The following SHC4 variants were observed in gnomAD, a reference collection of about 807,000 sequenced individuals.
SHC4 encodes the protein SHC-transforming protein 4.
In SHC4, 41 loss-of-function variants were observed where a neutral mutation model predicts 69.4. The observed-to-expected ratio is 0.59, with a 90% CI of 0.46 to 0.77. SHC4 has a LOEUF of 0.77. SHC4 is among the 30% of genes least tolerant of loss of function. SHC4 has a pLI of 0.00. For missense variants in SHC4, 777 were observed against 783.8 expected, an observed-to-expected ratio of 0.99 and a Z score of 0.10; for synonymous variants, 318 against 299.3, an observed-to-expected ratio of 1.06 and a Z score of -0.64.
intron 2 of SHC4, among the ~76,000 whole-genome samples, chr15:48,912,910 G>C (rs1381044602): frequency 6.6e-6 from 1 of 151,870 alleles, no homozygotes; most frequent in East Asian, 1.9e-4. Flanking sequence ...TGGTTCTGGG[G>C]GTCGTCTGCA....
chr15:48,871,841 T>G (rs1381458892), intron 5 of SHC4, among the ~76,000 whole-genome samples: 1 of 152,196 alleles, frequency 6.6e-6, no homozygotes, highest in Non-Finnish European at 1.5e-5. Flanking sequence ...AATAACACAA[T>G]GGAGCACTAC....
chr15:48,932,819 A>G (rs914707441), intron 1 of SHC4, among the ~76,000 whole-genome samples: 1 of 152,154 alleles, frequency 6.6e-6, no homozygotes. Flanking sequence ...ATGTGTCCGT[A>G]TCTCTTTTAT....
intron 1 of SHC4, among the ~76,000 whole-genome samples, chr15:48,925,206 T>TC (rs1170336021): frequency 3.9e-5 from 6 of 152,222 alleles, no homozygotes; most frequent in African/African-American, 1.2e-4. Context: ...GGTTCAGTGG[T>TC]TAAGATCATG....
intron 1 of SHC4, among the ~76,000 whole-genome samples, chr15:48,956,119 G>A (rs1012406839): frequency 3.3e-5 from 5 of 152,222 alleles, no homozygotes; most frequent in Non-Finnish European, 5.9e-5. Flanking sequence ...CTACTTCCAC[G>A]TCTACTCCAA....
intron 11 of SHC4, among the ~76,000 whole-genome samples, chr15:48,830,184 T>C (rs1371296400): frequency 1.3e-5 from 2 of 152,334 alleles, no homozygotes; most frequent in East Asian, 3.9e-4. Flanking sequence ...AATTCCTTTA[T>C]CATTTTGTTT....
Position 48,856,084 on chromosome 15 carries a change from C to G in SHC4, c.1111G>C (p.Asp371His). Residue 371 changes from aspartate (D) to histidine (H), a missense_variant, in exon 8 of 12, where the codon GAT becomes CAT. Transcript: ENST00000332408. ...HIDSHAEERE[D>H]HEYYNEIPGK... Reference sequence around the variant, plus strand: ...GGAATTTCATTGTAATATTCATGATCTTCTCTCTCCTCGGCATGGCTATCA... The same window carrying G: ...GGAATTTCATTGTAATATTCATGATGTTCTCTCTCCTCGGCATGGCTATCA... 6.2e-7 allele frequency: 1 copy of G among 1,613,740 alleles called. No individual in the cohort carries two copies. The highest frequency in any genetic ancestry group is 8.5e-7 in the Non-Finnish European group (1 of 1,179,766).
intron 3 of SHC4, among the ~76,000 whole-genome samples, chr15:48,885,789 T>C (rs1900024651): frequency 6.6e-6 from 1 of 152,200 alleles, no homozygotes; most frequent in African/African-American, 2.4e-5. Context: ...GCCCTCAACC[T>C]CACAGCTATC....
chr15:48,854,296 C>T (rs1899270372), intron 8 of SHC4, among the ~76,000 whole-genome samples: 1 of 152,044 alleles, frequency 6.6e-6, no homozygotes, highest in South Asian at 2.1e-4. Flanking sequence ...GAATGACTAT[C>T]ATTAAAAAGG....
At chr15:48,954,187 G>A (rs1172521774) in intron 1 of SHC4, among the ~76,000 whole-genome samples, 1 of 152,102 alleles carries the variant, frequency 6.6e-6, no homozygotes, top group African/African-American at 2.4e-5. Flanking sequence ...GCTGCAACCT[G>A]CCCTCCAACC....
chr15:48,878,018 C>A (rs1251083497), intron 4 of SHC4: 5 of 906,490 alleles, frequency 5.5e-6, no homozygotes, highest in African/African-American at 5.0e-5. Flanking sequence ...CTGAGCTACT[C>A]CAACCACAGT....
intron 10 of SHC4, among the ~76,000 whole-genome samples, chr15:48,841,586 C>T (rs975178361): frequency 6.6e-6 from 1 of 152,216 alleles, no homozygotes; most frequent in Non-Finnish European, 1.5e-5. Flanking sequence ...TATATACGCT[C>T]AGCCATTTGG....
rs141866888 is a variant in SHC4, at chr15:48,885,986, C to T, written c.721-1619G>A. 1.7e-3 allele frequency among the ~76,000 whole-genome samples: 264 copies of T among 152,246 alleles called. 2 individuals are homozygous for T. Among genetic ancestry groups the T allele is most frequent in the African/African-American group, 5.9e-3 (247 of 41,548 alleles). On this transcript the variant is annotated intron_variant, in intron 3 of 11. Transcript: ENST00000332408. ...AAAAATATTATTGTGAGGCTGGGTG[C>T]GGTGGCTCACGCCTGTAATCCCAGC... is the stretch of plus-strand genomic sequence containing the variant.
At chr15:48,829,735 A>G (rs1314322862) in intron 11 of SHC4, among the ~76,000 whole-genome samples, 1 of 152,184 alleles carries the variant, frequency 6.6e-6, no homozygotes, top group Admixed American at 6.5e-5. Context: ...ACTGGCGGAC[A>G]TGGTGAAACC....
chr15:48,961,149 C>T (rs1411488700), intron 1 of SHC4, among the ~76,000 whole-genome samples: 1 of 152,190 alleles, frequency 6.6e-6, no homozygotes, highest in Non-Finnish European at 1.5e-5. Flanking sequence ...CTCAGAGTAT[C>T]TTTCTTACTG....
At chr15:48,881,932 C>T (rs188142959) in intron 4 of SHC4, among the ~76,000 whole-genome samples, 6 of 152,034 alleles carry the variant, frequency 3.9e-5, no homozygotes, top group African/African-American at 1.4e-4. Flanking sequence ...TTCTCAGTGG[C>T]CAAAGATAAA....
At chr15:48,892,519 T>C (rs564065317) in intron 2 of SHC4, among the ~76,000 whole-genome samples, 11 of 152,290 alleles carry the variant, frequency 7.2e-5, no homozygotes, top group African/African-American at 2.6e-4. Context: ...GATTGACATT[T>C]TGAGTCATCT....
At chr15:48,941,013 A>G (rs1327368689) in intron 1 of SHC4, among the ~76,000 whole-genome samples, 1 of 152,212 alleles carries the variant, frequency 6.6e-6, no homozygotes, top group Non-Finnish European at 1.5e-5. Context: ...ACTCCTGATA[A>G]TATGACTAAA....
chr15:48,917,703 A>C (rs1900653754), intron 2 of SHC4, among the ~76,000 whole-genome samples: 1 of 152,176 alleles, frequency 6.6e-6, no homozygotes, highest in Non-Finnish European at 1.5e-5. Flanking sequence ...CAAGGTAGGG[A>C]AGCAAGATGA....
At chr15:48,888,700 G>A (rs950220002) in intron 3 of SHC4, among the ~76,000 whole-genome samples, 3 of 151,924 alleles carry the variant, frequency 2.0e-5, no homozygotes, top group Non-Finnish European at 4.4e-5. Flanking sequence ...TTAGAGACCA[G>A]CCTGGCCAAA....
Sources: gnomAD v4.1 joint callset for allele counts (sites outside exome capture counted in the v4.1 genomes callset) on GRCh38, gnomAD v4.1.1 for gene constraint, MANE v1.5 for transcripts, NCBI Gene and HGNC (gene_info 2026-07-23, HGNC 2026-07-21) for gene names.